Variants in AGT observed in about 807,000 individuals in gnomAD.
AGT encodes alpha-1 antiproteinase, antitrypsin.
AGT carries 26 observed loss-of-function variants against 28.1 expected under a neutral mutation model. The observed-to-expected ratio is 0.92, with a 90% CI of 0.68 to 1.28. The LOEUF (loss-of-function observed/expected upper bound fraction) is 1.28, where lower values mean the gene tolerates loss of function less well. Among genes scored for constraint, AGT ranks in the 50% most tolerant of loss-of-function variants. AGT has a pLI of 0.00. For missense variants in AGT, 596 were observed against 592.3 expected, an observed-to-expected ratio of 1.01 and a Z score of -0.06; for synonymous variants, 259 against 259.6, an observed-to-expected ratio of 1.00 and a Z score of 0.02.
chr1:230,702,586 G>A lies in AGT; in HGVS notation c.*555C>T, dbSNP rs1370903728. On this transcript the variant is annotated 3_prime_UTR_variant, in exon 5 of 5. Coordinates refer to ENST00000366667, the MANE Select transcript of AGT (RefSeq NM_001384479.1). ...CACAAGGGAGAAATAACCAGCTATG[G>A]TTCCGCATTCAAACAGAAATTCAGG... The A allele has an allele frequency of 6.3e-6, 1 of 158,120 alleles. No homozygotes were observed. Among genetic ancestry groups the A allele is most frequent in the Non-Finnish European group, 1.4e-5 (1 of 71,120 alleles). The allele number at this position is 158,120 out of a possible 1,614,324, so 9.8% of individuals were successfully genotyped here.
In AGT at chr1:230,706,286, C is replaced by G. The variant is rs558295074; in HGVS notation, c.830-86G>C. ...GCTGGCAGACACCAAAGGCCCAGAT[C>G]CTGCCCCTCGCCCTGCCTCAGCCTC... is the stretch of plus-strand genomic sequence containing the variant. On this transcript the variant is annotated intron_variant, in intron 2 of 4. Coordinates refer to ENST00000366667, the MANE Select transcript of AGT (RefSeq NM_001384479.1). The G allele has an allele frequency of 5.5e-5, 81 of 1,464,040 alleles. 1 individual carries two copies. In the South Asian group the frequency reaches 1.0e-3, roughly 18 times the overall value. 90.7% of individuals were successfully genotyped at this position (1,464,040 alleles called of 1,614,324 possible).
intron 1 of AGT, among the ~76,000 whole-genome samples, chr1:230,740,809 TGTG>T (rs1371587745): frequency 6.6e-6 from 1 of 152,120 alleles, no homozygotes; most frequent in Admixed American, 6.5e-5. Context: ...ATTAGCTGGA[TGTG>T]GTGGCACACG....
intron 3 of AGT, among the ~76,000 whole-genome samples, chr1:230,705,004 T>C (rs1156456683): frequency 6.6e-6 from 1 of 152,152 alleles, no homozygotes; most frequent in East Asian, 1.9e-4. Context: ...AATGGAATAT[T>C]ATTCAGCCTT....
chr1:230,709,063 A>G (rs1663479696), intron 2 of AGT, among the ~76,000 whole-genome samples: 2 of 152,132 alleles, frequency 1.3e-5, no homozygotes, highest in Admixed American at 1.3e-4. Flanking sequence ...TCCGCTCCCC[A>G]GTGACCTCTG....
intron 1 of AGT, among the ~76,000 whole-genome samples, chr1:230,740,784 A>G (rs1184836923): frequency 1.3e-5 from 2 of 152,124 alleles, no homozygotes; most frequent in Non-Finnish European, 2.9e-5. Flanking sequence ...CCCCATCTCT[A>G]CTAAAAATAC....
chr1:230,745,001 G>A lies in AGT; in HGVS notation c.-31+514C>T, dbSNP rs116584044. Among the ~76,000 whole-genome samples the A allele has an allele frequency of 7.2e-3, 1,091 of 152,272 alleles. 11 individuals carry two copies. The highest frequency in any genetic ancestry group is 0.023 in the African/African-American group (959 of 41,554). Reference sequence around the variant, plus strand: ...CTAGGTTGCCCTCCTTAATCACTTCGAAACAGAGCCGTCTGCCAGGGCAGT... The same window carrying A: ...CTAGGTTGCCCTCCTTAATCACTTCAAAACAGAGCCGTCTGCCAGGGCAGT... On this transcript the variant is annotated intron_variant, in intron 1 of 4. Coordinates refer to the AGT transcript ENST00000681269.
At chr1:230,732,737 T>C (rs1281696115) in intron 1 of AGT, among the ~76,000 whole-genome samples, 1 of 152,190 alleles carries the variant, frequency 6.6e-6, no homozygotes, top group Admixed American at 6.5e-5. Flanking sequence ...TGGAAGTGGA[T>C]CATCATCAAG....
chr1:230,729,293 C>T (rs1256395308), intron 1 of AGT, among the ~76,000 whole-genome samples: 1 of 152,188 alleles, frequency 6.6e-6, no homozygotes, highest in Non-Finnish European at 1.5e-5. Flanking sequence ...GCAGTGTTCC[C>T]AACACCTAGT....
chr1:230,735,508 TG>T (rs1471305085), intron 1 of AGT, among the ~76,000 whole-genome samples: 1 of 152,216 alleles, frequency 6.6e-6, no homozygotes, highest in Non-Finnish European at 1.5e-5. Flanking sequence ...GTGGCTTTTT[TG>T]TTCTCCTTTG....
At chr1:230,720,192 A>T (rs955222407) in intron 1 of AGT, among the ~76,000 whole-genome samples, 1 of 152,166 alleles carries the variant, frequency 6.6e-6, no homozygotes, top group Non-Finnish European at 1.5e-5. Flanking sequence ...GACTTCACCA[A>T]GCTCACTGTG....
chr1:230,714,710 CTGTT>C (rs1663694918), upstream of AGT, among the ~76,000 whole-genome samples: 1 of 152,114 alleles, frequency 6.6e-6, no homozygotes, highest in Admixed American at 6.5e-5. Flanking sequence ...GCTGGGGAGA[CTGTT>C]AAACACCAAC....
intron 3 of AGT, 59 bp downstream of exon 3, chr1:230,705,874 C>T (rs1284358696): frequency 5.0e-6 from 8 of 1,605,552 alleles, no homozygotes; most frequent in Non-Finnish European, 6.8e-6. Context: ...CCACCCCGCC[C>T]CCAGCCTGGG....
chr1:230,736,484 A>T (rs1664160221), intron 1 of AGT, among the ~76,000 whole-genome samples: 1 of 152,068 alleles, frequency 6.6e-6, no homozygotes, highest in African/African-American at 2.4e-5. Flanking sequence ...ACTCCACTGC[A>T]CTCCAGCCTG....
At chr1:230,704,373 CCACA>C (rs769707053) in intron 3 of AGT, 36 bp from the exon 4 acceptor site, 1 of 1,611,712 alleles carries the variant, frequency 6.2e-7, no homozygotes, top group South Asian at 1.1e-5. Context: ...AGGCTCCAGG[CCACA>C]CAGTGAGGGC....
chr1:230,722,732 C>G (rs1282592576), intron 1 of AGT, among the ~76,000 whole-genome samples: 1 of 152,210 alleles, frequency 6.6e-6, no homozygotes, highest in Non-Finnish European at 1.5e-5. Flanking sequence ...GCCAATTTAT[C>G]CAACTGCCTG....
intron 1 of AGT, among the ~76,000 whole-genome samples, chr1:230,740,832 C>T (rs1397643826): frequency 2.0e-5 from 3 of 152,188 alleles, no homozygotes; most frequent in Non-Finnish European, 4.4e-5. Context: ...GCCTGTAGTC[C>T]TAGCTACTTG....
intron 3 of AGT, 114 bp from the exon 4 acceptor site, chr1:230,704,451 C>T (rs1926722): frequency 1.5e-6 from 2 of 1,342,558 alleles, no homozygotes; most frequent in Non-Finnish European, 1.0e-6. Context: ...GATGTTTGCT[C>T]CCCCCATCAC....
At chr1:230,703,672 G>A (rs911888987) in intron 4 of AGT, among the ~76,000 whole-genome samples, 3 of 152,332 alleles carry the variant, frequency 2.0e-5, no homozygotes, top group African/African-American at 7.2e-5. Context: ...CCAGGGCTTA[G>A]CTAACTTAGC....
At chr1:230,728,351 C>A (rs1283545135) in intron 1 of AGT, among the ~76,000 whole-genome samples, 2 of 152,052 alleles carry the variant, frequency 1.3e-5, no homozygotes, top group African/African-American at 4.8e-5. Context: ...GACCTGGTGG[C>A]CTTTCATTAG....
Sources: allele counts gnomAD v4.1 joint callset (sites outside exome capture counted in the v4.1 genomes callset), GRCh38; gene constraint gnomAD v4.1.1; transcripts MANE v1.5; gene names NCBI Gene and HGNC (gene_info 2026-07-23, HGNC 2026-07-21).